The following DPH6 variants were observed in gnomAD, a reference collection of about 807,000 sequenced individuals.
DPH6 encodes diphthine--ammonia ligase.
In DPH6, 33 loss-of-function variants were observed where a neutral mutation model predicts 38.2. The ratio of observed to expected loss-of-function variants is 0.86; its 90% CI spans 0.65 to 1.15. The LOEUF (loss-of-function observed/expected upper bound fraction) is 1.15. Ranked by LOEUF, DPH6 falls within the 50% of genes most tolerant of loss-of-function variation. DPH6 has a pLI of 0.00. For synonymous variants in DPH6, 108 were observed against 103.0 expected (o/e 1.05, Z -0.30); for missense variants, 325 against 320.0 (o/e 1.02, Z -0.12).
exon 4 of DPH6, chr15:35,218,921 G>A (rs906935485): frequency 1.3e-5 from 2 of 152,096 alleles, no homozygotes; most frequent in African/African-American, 2.4e-5. Context: ...AAAGTCACTA[G>A]AATTGTTTTT....
chr15:35,437,935 A>T (rs572295835), intron 5 of DPH6, among the ~76,000 whole-genome samples: 1 of 152,264 alleles, frequency 6.6e-6, no homozygotes, highest in Admixed American at 6.5e-5. Context: ...CCATTTGTTG[A>T]TTCTCTTCCC....
At chr15:35,480,756 G>T (rs903537228) in intron 3 of DPH6, among the ~76,000 whole-genome samples, 3 of 151,662 alleles carry the variant, frequency 2.0e-5, no homozygotes, top group South Asian at 2.1e-4. Flanking sequence ...AGTAAGAAAA[G>T]AATTAAGAAT....
rs139024162 is a variant in DPH6, at chr15:35,306,439, T to G, written n.200+67082A>C. On this transcript the variant is annotated intron_variant and non_coding_transcript_variant, in intron 3 of 3. Transcript: ENST00000560386. ...TGAGGTCATGCCCCTTATTGAGTCA[T>G]GGTGTTCTATCATTCAAAGCCAAAG... Among the ~76,000 whole-genome samples the G allele has an allele frequency of 8.1e-4, 123 of 152,276 alleles. 2 individuals are homozygous for G. The East Asian group carries it at 0.02, about 24-fold the overall frequency.
rs376865076 is a variant in DPH6, at chr15:35,527,835, T to C, written c.312+10439A>G. Among the ~76,000 whole-genome samples the C allele has an allele frequency of 1.4e-4, 22 of 152,286 alleles. 1 individual carries two copies. The highest frequency in any genetic ancestry group is 8.5e-4 in the Admixed American group (13 of 15,298). ...TATTGCAGTGCACCTAGCAGAACGA[T>C]GCTAAGCAATGAATGTCTGATGGAA... On this transcript the variant is annotated intron_variant, in intron 3 of 8. Transcript: ENST00000256538.
At chr15:35,450,903 G>A in intron 4 of DPH6, 100 bp from the exon 5 acceptor site, 1 of 923,972 alleles carries the variant, frequency 1.1e-6, no homozygotes, top group Non-Finnish European at 1.6e-6. Context: ...CTTCGTTCAA[G>A]GATTTTAGCA....
At chr15:35,465,131 G>A (rs1195047648) in intron 3 of DPH6, among the ~76,000 whole-genome samples, 3 of 152,132 alleles carry the variant, frequency 2.0e-5, no homozygotes, top group African/African-American at 4.8e-5. Context: ...TGAAAACTCA[G>A]CCTACTTATT....
chr15:35,371,833 A>ATGGT lies in DPH6; in HGVS notation c.*316_*317insACCA, dbSNP rs2052716068. On this transcript the variant is annotated 3_prime_UTR_variant, in exon 9 of 9. Coordinates refer to ENST00000256538, the MANE Select transcript of DPH6 (RefSeq NM_080650.4). The stretch of plus-strand genomic sequence containing the variant: ...GCAAGAAAGAGAGAAGGAGGAAAAG[A>ATGGT]AACTAGTGTGATAAAAAAAGAAATG... 1 of 1,040,708 alleles carries ATGGT rather than the reference A, an allele frequency of 9.6e-7. No individual in the cohort carries two copies. The highest frequency in any genetic ancestry group is 1.2e-6 in the Non-Finnish European group (1 of 866,600). The allele number at this position is 1,040,708 out of a possible 1,614,324, so 64.5% of individuals were successfully genotyped here. A position where few individuals can be genotyped will look rare whatever the true frequency, so the allele number is the denominator to read the frequency against.
At chr15:35,361,144 G>A (rs1261433903) in intron 3 of DPH6, among the ~76,000 whole-genome samples, 1 of 152,120 alleles carries the variant, frequency 6.6e-6, no homozygotes, top group Admixed American at 6.5e-5. Context: ...TTACTGACAT[G>A]CAGCTGAGGC....
At chr15:35,220,883 C>T (rs1221837075) in intron 3 of DPH6, among the ~76,000 whole-genome samples, 1 of 152,136 alleles carries the variant, frequency 6.6e-6, no homozygotes, top group African/African-American at 2.4e-5. Flanking sequence ...AACCCAACAG[C>T]TCTCAAAGTC....
At chr15:35,419,168 G>A (rs1227907595) in intron 5 of DPH6, among the ~76,000 whole-genome samples, 2 of 151,506 alleles carry the variant, frequency 1.3e-5, no homozygotes, top group Non-Finnish European at 2.9e-5. Flanking sequence ...TTTAAAACTC[G>A]AATTGTTTTG....
downstream of DPH6, among the ~76,000 whole-genome samples, chr15:35,214,423 T>G (rs1049927690): frequency 6.6e-6 from 1 of 152,168 alleles, no homozygotes; most frequent in African/African-American, 2.4e-5. Context: ...TCTCATGTTT[T>G]TATGTTGCTC....
At chr15:35,469,216 C>T (rs2054167145) in intron 3 of DPH6, among the ~76,000 whole-genome samples, 1 of 152,248 alleles carries the variant, frequency 6.6e-6, no homozygotes, top group East Asian at 1.9e-4. Flanking sequence ...TTTACTGAGA[C>T]AAGCATGATA....
downstream of DPH6, among the ~76,000 whole-genome samples, chr15:35,369,598 TACCAC>T (rs2052692189): frequency 3.9e-5 from 5 of 129,390 alleles, no homozygotes; most frequent in Admixed American, 4.1e-4. Flanking sequence ...ACACCAAGAA[TACCAC>T]CTTAAAGCCT....
rs538781607 is a variant in DPH6, at chr15:35,524,079, C to CT, written c.312+14194dup. Reference sequence around the variant, plus strand: ...GCTTCTCAAACTGTGTTATAAACCACTTTTTTTTTTTACATTTCCAACCCT... The same window carrying CT: ...GCTTCTCAAACTGTGTTATAAACCACTTTTTTTTTTTTACATTTCCAACCCT... On this transcript the variant is annotated intron_variant, in intron 3 of 8. Transcript: ENST00000256538. Among the ~76,000 whole-genome samples the CT allele has an allele frequency of 4.4e-3, 642 of 145,768 alleles. 3 individuals carry two copies. The highest frequency in any genetic ancestry group is 0.036 in the East Asian group (180 of 5,050).
intron 3 of DPH6, among the ~76,000 whole-genome samples, chr15:35,491,335 G>A (rs969973481): frequency 5.3e-5 from 8 of 152,066 alleles, no homozygotes; most frequent in African/African-American, 1.9e-4. Flanking sequence ...AACCTGGCTT[G>A]CCCAACAATA....
intron 3 of DPH6, among the ~76,000 whole-genome samples, chr15:35,456,384 G>C (rs1233509870): frequency 6.6e-6 from 1 of 150,814 alleles, no homozygotes; most frequent in African/African-American, 2.4e-5. Flanking sequence ...ATAGGAGTGT[G>C]TGTATTTCTC....
the DPH6 span, among the ~76,000 whole-genome samples, chr15:35,169,142 T>G: frequency 6.6e-6 from 1 of 152,156 alleles, no homozygotes; most frequent in African/African-American, 2.4e-5. Context: ...AAAAGCTAAC[T>G]TCCATAACCA....
At chr15:35,282,168 G>A (rs900495574) in intron 3 of DPH6, among the ~76,000 whole-genome samples, 1 of 151,990 alleles carries the variant, frequency 6.6e-6, no homozygotes, top group African/African-American at 2.4e-5. Context: ...TCTGCAAATA[G>A]TTTTTCTTTT....
At chr15:35,258,001 C>T (rs1299157847) in intron 3 of DPH6, among the ~76,000 whole-genome samples, 3 of 152,164 alleles carry the variant, frequency 2.0e-5, no homozygotes, top group Non-Finnish European at 4.4e-5. Context: ...TGGTTTCTCA[C>T]AGACTTTAGC....
Sources: allele counts gnomAD v4.1 joint callset (sites outside exome capture counted in the v4.1 genomes callset), GRCh38; gene constraint gnomAD v4.1.1; transcripts MANE v1.5; gene names NCBI Gene and HGNC (gene_info 2026-07-23, HGNC 2026-07-21).